Variants in CCDC33 observed in about 807,000 individuals in gnomAD.
CCDC33 encodes the protein coiled-coil domain-containing protein 33.
In CCDC33, 94 loss-of-function variants were observed where a neutral mutation model predicts 91.9. That is an observed-to-expected ratio of 1.02 (90% confidence interval 0.87 to 1.21). CCDC33 has a LOEUF of 1.21. CCDC33 is among the 50% of genes most tolerant of loss of function. CCDC33 has a pLI of 0.00. For synonymous variants in CCDC33, 396 were observed against 374.5 expected (o/e 1.06, Z -0.66); for missense variants, 940 against 935.5 (o/e 1.00, Z -0.06).
At chr15:74,294,746 C>CA (rs57792647) in intron 10 of CCDC33, among the ~76,000 whole-genome samples, 73,544 of 127,218 alleles carry the variant, frequency 0.58, 23,484 homozygotes, top group Non-Finnish European at 0.74. Flanking sequence ...GACTCTGTCT[C>CA]AAAAAAAAAA....
chr15:74,324,735 C>A (rs951517095), intron 11 of CCDC33, among the ~76,000 whole-genome samples: 2 of 151,678 alleles, frequency 1.3e-5, no homozygotes. Flanking sequence ...TCAGCCACTG[C>A]TGGCCTCCTG....
chr15:74,248,665 T>C (rs1254036859), intron 2 of CCDC33, among the ~76,000 whole-genome samples: 1 of 152,164 alleles, frequency 6.6e-6, no homozygotes. Flanking sequence ...AGATGGTGCT[T>C]CTCTTGTTTG....
At chr15:74,297,138 C>G (rs1004444645) in intron 11 of CCDC33, among the ~76,000 whole-genome samples, 2 of 152,216 alleles carry the variant, frequency 1.3e-5, no homozygotes, top group Non-Finnish European at 2.9e-5. Context: ...TCCACATGAG[C>G]ACCCCTGCCC....
chr15:74,257,289 C>A (rs2075895898), intron 2 of CCDC33, among the ~76,000 whole-genome samples: 1 of 152,250 alleles, frequency 6.6e-6, no homozygotes, highest in Non-Finnish European at 1.5e-5. Context: ...CCCACAAGGA[C>A]CAGCTGCCCT....
At position 74,267,479 on chromosome 15, in the gene CCDC33, T is replaced by TCAA. The variant is rs1360716826; in HGVS notation, c.429+692_429+693insCAA. ...GGTTGGGCCTCCCAGGCCAGACCCC[T>TCAA]GCCTGTCCTCCCTCCTAGTGCTGAA... On this transcript the variant is annotated intron_variant, in intron 4 of 18. Coordinates refer to ENST00000398814, the MANE Select transcript of CCDC33 (RefSeq NM_025055.5). Among the ~76,000 whole-genome samples, 250 of 151,960 alleles carry TCAA rather than the reference T, an allele frequency of 1.6e-3. 2 individuals carry two copies. The highest frequency in any genetic ancestry group is 5.4e-3 in the African/African-American group (224 of 41,252).
chr15:74,293,480 C>A (rs531182216), intron 10 of CCDC33, among the ~76,000 whole-genome samples: 1 of 152,230 alleles, frequency 6.6e-6, no homozygotes, highest in Non-Finnish European at 1.5e-5. Context: ...TGCAGTCAAT[C>A]TAGTGTTCAG....
At chr15:74,330,804 C>A (rs1045417802) in intron 13 of CCDC33, 53 bp downstream of exon 13, 1 of 1,548,308 alleles carries the variant, frequency 6.5e-7, no homozygotes, top group African/African-American at 1.4e-5. Flanking sequence ...GGGGGAGCAT[C>A]GGGGTGAGAA....
chr15:74,300,146 A>G (rs910400581), intron 11 of CCDC33: 2 of 152,246 alleles, frequency 1.3e-5, no homozygotes, highest in Non-Finnish European at 2.9e-5. Flanking sequence ...TCACTCTTCC[A>G]TAGCAACCAA....
At chr15:74,204,415 G>A (rs2074209316) in intron 1 of CCDC33, among the ~76,000 whole-genome samples, 1 of 152,242 alleles carries the variant, frequency 6.6e-6, no homozygotes, top group African/African-American at 2.4e-5. Context: ...GGCGGCTGCT[G>A]TGCCCTGAGG....
At chr15:74,245,412 C>T (rs11633101) in intron 2 of CCDC33, among the ~76,000 whole-genome samples, 68,528 of 152,148 alleles carry the variant, frequency 0.45, 18,928 homozygotes, top group Non-Finnish European at 0.63. Context: ...ACTCCATTTC[C>T]GTGGTGAGGG....
chr15:74,268,492 G>T, intron 5 of CCDC33, 34 bp downstream of exon 5: 1 of 1,479,358 alleles, frequency 6.8e-7, no homozygotes, highest in Non-Finnish European at 9.4e-7. Flanking sequence ...GGTGGTGGTG[G>T]GGGTGGGAAA....
rs538969678 is a variant in CCDC33, at chr15:74,268,360, G to A, written c.448G>A (p.Ala150Thr). The A allele has an allele frequency of 4.0e-5, 65 of 1,613,804 alleles. No individual in the cohort carries two copies. The South Asian group carries it at 6.6e-4, about 16-fold the overall frequency. The change falls in exon 5 of 19, where the codon GCC becomes ACC. Residue 150 changes from alanine (A) to threonine (T), a missense_variant. Ala to Thr is a moderately conservative substitution (Grantham distance 58). Transcript: ENST00000398814. ...TCTCCAGCCCACTGAGTCTGGGAAA[G>A]CCGATGAAGCCACTGCCAAGACCCA... ...ELVKPTESGK[A>T]DEATAKTQLY... is the part of the protein sequence containing the mutation.
chr15:74,280,173 C>T, intron 8 of CCDC33, 81 bp downstream of exon 8: 1 of 1,522,736 alleles, frequency 6.6e-7, no homozygotes, highest in Non-Finnish European at 9.0e-7. Context: ...ACCATCCCAC[C>T]TCTGCCTCCC....
At chr15:74,324,365 C>T (rs1380998590) in intron 11 of CCDC33, among the ~76,000 whole-genome samples, 2 of 151,990 alleles carry the variant, frequency 1.3e-5, no homozygotes, top group African/African-American at 2.4e-5. Context: ...CCCCATAATT[C>T]CTCACTCACT....
chr15:74,282,264 A>G (rs965240926), intron 10 of CCDC33, among the ~76,000 whole-genome samples: 1 of 152,218 alleles, frequency 6.6e-6, no homozygotes, highest in African/African-American at 2.4e-5. Flanking sequence ...GCAGGGTCAC[A>G]TTCCTTTCTG....
intron 16 of CCDC33, chr15:74,333,354 C>T (rs1271508629): frequency 2.7e-5 from 40 of 1,498,058 alleles, no homozygotes; most frequent in Non-Finnish European, 3.5e-5. Context: ...AATGCCCAGG[C>T]CCTGCTCCAC....
At chr15:74,310,164 A>G (rs1388802366) in intron 11 of CCDC33, among the ~76,000 whole-genome samples, 1 of 152,038 alleles carries the variant, frequency 6.6e-6, no homozygotes, top group Non-Finnish European at 1.5e-5. Context: ...CAAACAAAAT[A>G]AAAACAAAAA....
At chr15:74,288,395 G>A (rs916337811) in intron 10 of CCDC33, among the ~76,000 whole-genome samples, 1 of 152,188 alleles carries the variant, frequency 6.6e-6, no homozygotes, top group Non-Finnish European at 1.5e-5. Flanking sequence ...CAACATTCCT[G>A]TTAAAGTATC....
chr15:74,217,797 C>T (rs753237951), intron 1 of CCDC33, among the ~76,000 whole-genome samples: 17 of 151,994 alleles, frequency 1.1e-4, no homozygotes, highest in Non-Finnish European at 1.9e-4. Flanking sequence ...GTGCCTGTCA[C>T]GCAAGGTCAG....
Sources: gnomAD v4.1 joint callset for allele counts (sites outside exome capture counted in the v4.1 genomes callset) on GRCh38, gnomAD v4.1.1 for gene constraint, MANE v1.5 for transcripts, NCBI Gene and HGNC (gene_info 2026-07-23, HGNC 2026-07-21) for gene names.